The following RPTOR variants were observed in gnomAD, a reference collection of about 807,000 sequenced individuals.
RPTOR encodes the protein regulatory associated protein of MTOR complex 1, also known as regulatory-associated protein of mTOR.
A neutral mutation model predicts 169.9 loss-of-function variants in RPTOR; 21 were observed. That is an observed-to-expected ratio of 0.12 (90% confidence interval 0.09 to 0.18). The LOEUF is 0.18. Ranked by LOEUF, RPTOR falls within the 10% of genes least tolerant of loss-of-function variation. The pLI, the probability that RPTOR is intolerant of heterozygous loss-of-function variation, is 1.00. For missense variants in RPTOR, 1,133 were observed against 1,855.9 expected (o/e 0.61, Z 7.16); for synonymous variants, 732 against 753.2 (o/e 0.97, Z 0.46).
intron 7 of RPTOR, among the ~76,000 whole-genome samples, chr17:80,818,204 C>A (rs2067343745): frequency 6.6e-6 from 1 of 152,200 alleles, no homozygotes; most frequent in Non-Finnish European, 1.5e-5. Flanking sequence ...AGTCATCCAG[C>A]CATAGCACGG....
In RPTOR at chr17:80,962,473, T is replaced by C. The variant is rs775818360; in HGVS notation, c.3705T>C (p.Asp1235=). The C allele has an allele frequency of 1.2e-6, 2 of 1,613,672 alleles. No homozygotes were observed. Among genetic ancestry groups the C allele is most frequent in the African/African-American group, 2.7e-5 (2 of 74,934 alleles). The change falls in exon 32 of 34, where the codon GAT becomes GAC. Residue 1235 remains aspartate (D), a synonymous_variant. Coordinates refer to ENST00000306801, the MANE Select transcript of RPTOR (RefSeq NM_020761.3). The part of the protein sequence containing the change: ...GHIVSVSVNG[D]VRIFDPRMPE... Reference sequence around the variant, plus strand: ...CCTCTCTTGGCAGCGTCAATGGAGATGTGCGCATCTTTGATCCCCGGATGC... The same window carrying C: ...CCTCTCTTGGCAGCGTCAATGGAGACGTGCGCATCTTTGATCCCCGGATGC...
intron 3 of RPTOR, among the ~76,000 whole-genome samples, chr17:80,692,993 A>G (rs2066005516): frequency 6.6e-6 from 1 of 152,216 alleles, no homozygotes; most frequent in South Asian, 2.1e-4. Context: ...ATATACGCAC[A>G]CACGCACACA....
chr17:80,770,941 A>G (rs2143412676), intron 6 of RPTOR, among the ~76,000 whole-genome samples: 1 of 152,306 alleles, frequency 6.6e-6, no homozygotes, highest in South Asian at 2.1e-4. Context: ...CTCCCAGCAT[A>G]CAGCGTGTGC....
At chr17:80,822,084 C>A (rs367714937) in intron 7 of RPTOR, 117 bp from the exon 8 acceptor site, 2 of 877,190 alleles carry the variant, frequency 2.3e-6, no homozygotes, top group Non-Finnish European at 3.8e-6. Flanking sequence ...CTGCTCAGAG[C>A]CTTCCTCCCT....
At chr17:80,565,938 A>G (rs921995291) in intron 1 of RPTOR, among the ~76,000 whole-genome samples, 15 of 152,348 alleles carry the variant, frequency 9.8e-5, no homozygotes, top group African/African-American at 2.9e-4. Flanking sequence ...GCTCTTGCTT[A>G]GTTTTGAGTG....
intron 3 of RPTOR, among the ~76,000 whole-genome samples, chr17:80,662,231 C>T (rs886585345): frequency 1.3e-5 from 2 of 152,202 alleles, no homozygotes; most frequent in African/African-American, 4.8e-5. Flanking sequence ...CCGCCTTCTG[C>T]CTCCTATCAC....
intron 6 of RPTOR, chr17:80,774,032 C>A (rs1265329421): frequency 1.0e-6 from 1 of 985,284 alleles, no homozygotes; most frequent in Non-Finnish European, 1.2e-6. Context: ...TGTAAACCAT[C>A]ACTCCCTGTT....
At chr17:80,747,758 C>T (rs1385114757) in intron 5 of RPTOR, among the ~76,000 whole-genome samples, 2 of 152,356 alleles carry the variant, frequency 1.3e-5, no homozygotes, top group African/African-American at 4.8e-5. Context: ...AGGAAGTCCC[C>T]TTCAAACCTG....
rs1204683119 is a variant in RPTOR at position 80,813,460 on chromosome 17, A to G, written c.891-8741A>G. 4.6e-5 allele frequency among the ~76,000 whole-genome samples: 7 copies of G among 152,290 alleles called. No homozygotes were observed. In the South Asian group the frequency reaches 1.2e-3, roughly 27 times the overall value. ...TGTGTGCTTTATGTGTAAGGTTTCA[A>G]TGCAGCGTTCATTGAGAAGCTGGAT... is the stretch of plus-strand genomic sequence containing the variant. On this transcript the variant is annotated intron_variant, in intron 7 of 33. Coordinates refer to ENST00000306801, the MANE Select transcript of RPTOR (RefSeq NM_020761.3).
At chr17:80,629,758 GTGT>G (rs976266206) in intron 2 of RPTOR, among the ~76,000 whole-genome samples, 5 of 146,492 alleles carry the variant, frequency 3.4e-5, no homozygotes, top group Non-Finnish European at 7.4e-5. Flanking sequence ...TCTATGTATT[GTGT>G]TGTTGGACAT....
chr17:80,712,116 A>T (rs1307772342), intron 4 of RPTOR, among the ~76,000 whole-genome samples: 1 of 152,092 alleles, frequency 6.6e-6, no homozygotes, highest in African/African-American at 2.4e-5. Flanking sequence ...GAGCAAGTTT[A>T]TTGAGTTATA....
intron 13 of RPTOR, among the ~76,000 whole-genome samples, chr17:80,875,235 T>A (rs1342733845): frequency 1.3e-5 from 2 of 152,238 alleles, no homozygotes; most frequent in East Asian, 3.9e-4. Flanking sequence ...CGGGTGCACC[T>A]TGTAGAAGGC....
intron 16 of RPTOR, 53 bp downstream of exon 16, chr17:80,884,025 G>T (rs1265019005): frequency 6.4e-7 from 1 of 1,566,072 alleles, no homozygotes; most frequent in Non-Finnish European, 8.7e-7. Context: ...GACTGCGGGG[G>T]TAAGGCAGAG....
intron 1 of RPTOR, among the ~76,000 whole-genome samples, chr17:80,620,971 G>A (rs1341597001): frequency 1.3e-5 from 2 of 152,168 alleles, no homozygotes; most frequent in East Asian, 1.9e-4. Context: ...TGCTTTTCTT[G>A]TTTTCTTTAA....
intron 3 of RPTOR, among the ~76,000 whole-genome samples, chr17:80,681,599 ACCTTCAT>A (rs2065898507): frequency 6.7e-6 from 1 of 149,234 alleles, no homozygotes; most frequent in Non-Finnish European, 1.5e-5. Flanking sequence ...CGTCTCTTAC[ACCTTCAT>A]GAGGTGTACG....
chr17:80,682,380 G>T (rs534363032), intron 3 of RPTOR, among the ~76,000 whole-genome samples: 1 of 152,284 alleles, frequency 6.6e-6, no homozygotes, highest in Admixed American at 6.5e-5. Context: ...CTGGATTACA[G>T]GTGTGAGCCA....
At chr17:80,843,724 C>T (rs954828765) in intron 10 of RPTOR, among the ~76,000 whole-genome samples, 2 of 152,154 alleles carry the variant, frequency 1.3e-5, no homozygotes, top group African/African-American at 4.8e-5. Context: ...CGGAGAGTAG[C>T]CATCTCAGAA....
intron 17 of RPTOR, among the ~76,000 whole-genome samples, chr17:80,891,014 C>A (rs564708264): frequency 6.6e-6 from 1 of 151,976 alleles, no homozygotes; most frequent in Non-Finnish European, 1.5e-5. Context: ...AAAAAGTTGT[C>A]GTAGGGAAAA....
Position 80,962,967 on chromosome 17 carries a change from C to T in RPTOR, c.3849C>T (p.Ser1283=), listed in dbSNP as rs150879768. The part of the protein sequence containing the change: ...VNQFTAIYNS[S]GELINNIKYY... Reference sequence around the variant, plus strand: ...AGTTCACCGCCATCTACAACAGCAGCGGAGAGCTCATCAACAACATCAAGT... The same window carrying T: ...AGTTCACCGCCATCTACAACAGCAGTGGAGAGCTCATCAACAACATCAAGT... The change falls in exon 33 of 34, where the codon AGC becomes AGT. Residue 1283 remains serine, a synonymous_variant. Transcript: ENST00000306801. The T allele has an allele frequency of 1.1e-5, 17 of 1,613,690 alleles. No homozygotes were observed. The highest frequency in any genetic ancestry group is 3.3e-4 in the Middle Eastern group (2 of 6,058).
Sources: allele counts gnomAD v4.1 joint callset (sites outside exome capture counted in the v4.1 genomes callset), GRCh38; gene constraint gnomAD v4.1.1; transcripts MANE v1.5; gene names NCBI Gene and HGNC (gene_info 2026-07-23, HGNC 2026-07-21).